Variants in DSCAM observed in about 807,000 individuals in gnomAD.
The protein encoded by DSCAM is DS cell adhesion molecule.
In DSCAM, 47 loss-of-function variants were observed where a neutral mutation model predicts 217.7. That is an observed-to-expected ratio of 0.22 (90% CI 0.17 to 0.28). The LOEUF is 0.28. Ranked by LOEUF, DSCAM falls within the 10% of genes least tolerant of loss-of-function variation. The pLI is 1.00. For missense variants in DSCAM, 2,080 were observed against 2,618.3 expected (o/e 0.79, Z 4.49); for synonymous variants, 1,056 against 1,015.3 (o/e 1.04, Z -0.76).
chr21:40,189,160 T>C lies in DSCAM; in HGVS notation c.2435A>G (p.His812Arg). ...GCGGACTATAATGGGCTTCTCACCA[T>C]GCGCCGTGCAGCTCATCTCCTTTTT... Reference protein sequence around the residue: ...GQKKEMSCTAHGEKPIIVRWE... With the variant: ...GQKKEMSCTARGEKPIIVRWE... The change falls in exon 12 of 33, where the codon CAT (histidine) becomes CGT (arginine). Residue 812 changes from histidine to arginine, a missense_variant. Coordinates refer to ENST00000400454, the MANE Select transcript of DSCAM (RefSeq NM_001389.5). 6.2e-7 allele frequency: 1 copy of C among 1,614,094 alleles called. No homozygotes were observed. The highest frequency in any genetic ancestry group is 8.5e-7 in the Non-Finnish European group (1 of 1,180,008).
chr21:40,308,833 T>G (rs2074108063), intron 9 of DSCAM, among the ~76,000 whole-genome samples: 1 of 152,158 alleles, frequency 6.6e-6, no homozygotes, highest in African/African-American at 2.4e-5. Flanking sequence ...ATAATTTTTG[T>G]TTTTCCACTT....
In DSCAM at chr21:40,276,206, C is replaced by T. The variant is rs375995736; in HGVS notation, c.2247G>A (p.Gly749=). Residue 749 remains glycine, a synonymous_variant, in exon 11 of 33, where the codon GGG becomes GGA. Coordinates refer to ENST00000400454, the MANE Select transcript of DSCAM (RefSeq NM_001389.5). The part of the protein sequence containing the change: ...LNGRIQVLSN[G]SLLIKHVVEE... The stretch of plus-strand genomic sequence containing the variant: ...CCACGACATGCTTGATCAGCAACGA[C>T]CCATTGCTGAGAACTTGGATTCGGC... The T allele has an allele frequency of 3.1e-6, 5 of 1,613,058 alleles. No homozygotes were observed. The highest frequency in any genetic ancestry group is 2.2e-5 in the South Asian group (2 of 90,952).
In DSCAM at chr21:40,144,750, A is replaced by C. The variant is rs1474995081; in HGVS notation, c.3019-19T>G. 1 of 1,613,838 alleles carries C rather than the reference A, an allele frequency of 6.2e-7. No homozygotes were observed. Among genetic ancestry groups the C allele is most frequent in the African/African-American group, 1.3e-5 (1 of 74,926 alleles). On this transcript the variant is annotated intron_variant, in intron 16 of 32. Transcript: ENST00000400454. This position sits in a 1 kb window ranked among gnomAD's most constrained non-coding sequence, Gnocchi z 4.8. Reference sequence around the variant, plus strand: ...TGGGAGCCTAAACAGGAGAGAAAAGAACACACTAAAGAAGTCTTGAGGTAG... The same window carrying C: ...TGGGAGCCTAAACAGGAGAGAAAAGCACACACTAAAGAAGTCTTGAGGTAG...
chr21:40,500,813 GTC>G (rs2076165062), intron 3 of DSCAM, among the ~76,000 whole-genome samples: 1 of 152,164 alleles, frequency 6.6e-6, no homozygotes, highest in South Asian at 2.1e-4. Context: ...CTGCCCTATA[GTC>G]TCCTGCTGAT....
chr21:40,756,242 A>G (rs529746351), intron 1 of DSCAM, among the ~76,000 whole-genome samples: 45 of 152,290 alleles, frequency 3.0e-4, no homozygotes, highest in Middle Eastern at 3.4e-3. Context: ...CGCTCTGGCC[A>G]TAGGAGCTGC....
chr21:40,322,815 A>G (rs2074274419), intron 8 of DSCAM, among the ~76,000 whole-genome samples: 1 of 152,054 alleles, frequency 6.6e-6, no homozygotes, highest in African/African-American at 2.4e-5. Context: ...GTGAGCCACC[A>G]CGCCCGGCCA....
At chr21:40,741,127 C>T (rs1601197927) in intron 1 of DSCAM, among the ~76,000 whole-genome samples, 4 of 152,106 alleles carry the variant, frequency 2.6e-5, no homozygotes, top group Admixed American at 2.6e-4. Flanking sequence ...AGAGGATGAA[C>T]ACAAAATAGT....
intron 3 of DSCAM, among the ~76,000 whole-genome samples, chr21:40,436,948 GT>G (rs2075588508): frequency 6.6e-6 from 1 of 152,124 alleles, no homozygotes; most frequent in Admixed American, 6.5e-5. Flanking sequence ...GGCATATACT[GT>G]TTTCCAAAAG....
chr21:40,292,835 C>T (rs538664964), intron 10 of DSCAM, among the ~76,000 whole-genome samples: 2 of 152,128 alleles, frequency 1.3e-5, no homozygotes, highest in South Asian at 2.1e-4. Flanking sequence ...CTCCGCCTCC[C>T]GGGTTCATGC....
At chr21:40,611,723 G>A (rs1328526842) in intron 3 of DSCAM, among the ~76,000 whole-genome samples, 1 of 152,228 alleles carries the variant, frequency 6.6e-6, no homozygotes. Flanking sequence ...GTGCAGGACA[G>A]TTTTCTAGGT....
chr21:40,598,497 GTTTTTTTTTTTTTT>G (rs71186947), intron 3 of DSCAM, among the ~76,000 whole-genome samples: 12 of 66,814 alleles, frequency 1.8e-4, no homozygotes, highest in Admixed American at 4.8e-4. Context: ...CTGCCAAACT[GTTTTTTTTTTTTTT>G]TTTTTTTTTT....
chr21:40,659,337 T>C (rs2090110621), intron 3 of DSCAM, among the ~76,000 whole-genome samples: 1 of 151,024 alleles, frequency 6.6e-6, no homozygotes, highest in South Asian at 2.1e-4. Context: ...TTCACACCTG[T>C]TTGGTGATCA....
chr21:40,726,139 T>C (rs1244607146), intron 1 of DSCAM, among the ~76,000 whole-genome samples: 2 of 152,108 alleles, frequency 1.3e-5, no homozygotes, highest in Non-Finnish European at 2.9e-5. Flanking sequence ...AAAATAAACA[T>C]TCAAGCACGC....
intron 11 of DSCAM, among the ~76,000 whole-genome samples, chr21:40,270,742 A>G (rs2073604757): frequency 6.6e-6 from 1 of 152,000 alleles, no homozygotes; most frequent in South Asian, 2.1e-4. Context: ...AAGCTTCACC[A>G]TGGGGGGCAG....
intron 3 of DSCAM, among the ~76,000 whole-genome samples, chr21:40,485,391 C>CA (rs2076018525): frequency 3.3e-5 from 5 of 151,762 alleles, no homozygotes; most frequent in Non-Finnish European, 5.9e-5. Context: ...TACAGGCGCC[C>CA]GCCACCGCGC....
chr21:40,470,538 T>C (rs886962904), intron 3 of DSCAM, among the ~76,000 whole-genome samples: 12 of 152,200 alleles, frequency 7.9e-5, no homozygotes, highest in African/African-American at 2.7e-4. Context: ...CTCTTAGTCA[T>C]GCACCTGAAG....
intron 11 of DSCAM, among the ~76,000 whole-genome samples, chr21:40,245,084 C>T (rs1393320787): frequency 6.6e-6 from 1 of 152,162 alleles, no homozygotes; most frequent in Non-Finnish European, 1.5e-5. Flanking sequence ...CAATGCCAGC[C>T]CAAGTGTCAC....
At chr21:40,738,212 T>G (rs2091084191) in intron 1 of DSCAM, among the ~76,000 whole-genome samples, 1 of 152,244 alleles carries the variant, frequency 6.6e-6, no homozygotes, top group South Asian at 2.1e-4. Context: ...CCAAATAAGG[T>G]TTTAAAAATT....
At chr21:40,057,710 G>A (rs998535684) in intron 28 of DSCAM, among the ~76,000 whole-genome samples, 1 of 152,062 alleles carries the variant, frequency 6.6e-6, no homozygotes, top group African/African-American at 2.4e-5. Context: ...TCAACTCTGC[G>A]AACCAGGACA....
Sources: allele counts gnomAD v4.1 joint callset (sites outside exome capture counted in the v4.1 genomes callset), GRCh38; gene constraint gnomAD v4.1.1; non-coding constraint Gnocchi (gnomAD v3.1); transcripts MANE v1.5; gene names NCBI Gene and HGNC (gene_info 2026-07-23, HGNC 2026-07-21).